The following DENND4C variants were observed in gnomAD, a reference collection of about 807,000 sequenced individuals.
The protein encoded by DENND4C is DENN domain containing 4C, also known as DENN domain-containing protein 4C.
In DENND4C, 108 loss-of-function variants were observed where a neutral mutation model predicts 203.0. The observed-to-expected ratio is 0.53, with a 90% CI of 0.46 to 0.62. DENND4C has a LOEUF of 0.62. Among genes scored for constraint, DENND4C ranks in the 20% least tolerant of loss-of-function variants. The pLI, the probability that DENND4C is intolerant of heterozygous loss-of-function variation, is 0.00. For missense variants in DENND4C, 2,481 were observed against 2,301.2 expected (o/e 1.08, Z -1.60); for synonymous variants, 871 against 792.4 (o/e 1.10, Z -1.67).
intron 12 of DENND4C, 88 bp downstream of exon 12, chr9:19,316,927 A>C: frequency 8.9e-7 from 1 of 1,128,094 alleles, no homozygotes; most frequent in Non-Finnish European, 1.2e-6. Flanking sequence ...TTATTGTATA[A>C]ATTATTACAA....
At position 19,315,549 on chromosome 9, in the gene DENND4C, G is replaced by A. The variant is rs191925632; in HGVS notation, c.1488-868G>A. On this transcript the variant is annotated intron_variant, in intron 10 of 32. Coordinates refer to ENST00000434457, the MANE Select transcript of DENND4C (RefSeq NM_001330640.2). ...TATATATGTATGTGTATATATATAC[G>A]TGTATATATGTATGTGTGTATATAT... Among the ~76,000 whole-genome samples the A allele has an allele frequency of 2.2e-3, 324 of 150,214 alleles. 4 individuals carry two copies. The highest frequency in any genetic ancestry group is 7.1e-3 in the African/African-American group (292 of 40,880).
At chr9:19,294,364 A>G (rs1836987766) in intron 5 of DENND4C, among the ~76,000 whole-genome samples, 1 of 152,182 alleles carries the variant, frequency 6.6e-6, no homozygotes, top group Non-Finnish European at 1.5e-5. Flanking sequence ...GTTTGAAGAC[A>G]GAGGAGTGTC....
chr9:19,268,036 A>G (rs541607798), intron 1 of DENND4C, among the ~76,000 whole-genome samples: 26 of 145,804 alleles, frequency 1.8e-4, no homozygotes, highest in Non-Finnish European at 3.3e-4. Context: ...GAAAGTGATT[A>G]TTTTCTGGTG....
chr9:19,331,950 A>G (rs200790448), intron 16 of DENND4C, 28 bp from the exon 17 acceptor site: 36 of 1,575,806 alleles, frequency 2.3e-5, no homozygotes, highest in Admixed American at 1.7e-4. Flanking sequence ...ATTTTAGTAA[A>G]TATCATAATA....
intron 2 of DENND4C, among the ~76,000 whole-genome samples, chr9:19,278,078 T>TC (rs1404249595): frequency 2.3e-4 from 33 of 143,188 alleles, no homozygotes; most frequent in African/African-American, 8.8e-4. Flanking sequence ...TTTTTTCTTT[T>TC]TTTTTTTTTT....
chr9:19,238,539 CT>C (rs1302908671), intron 1 of DENND4C, among the ~76,000 whole-genome samples: 1 of 1,324 alleles, frequency 7.6e-4, no homozygotes, highest in Non-Finnish European at 2.3e-3. Flanking sequence ...CCCCTCCCCC[CT>C]CTCCTCCCCT....
rs148327273 is a variant in DENND4C at position 19,293,280 on chromosome 9, G to C, written c.801+2404G>C. 2.7e-3 allele frequency among the ~76,000 whole-genome samples: 407 copies of C among 152,230 alleles called. 1 individual carries two copies. Among genetic ancestry groups the C allele is most frequent in the Middle Eastern group, 0.014 (4 of 294 alleles). On this transcript the variant is annotated intron_variant, in intron 5 of 32. Coordinates refer to ENST00000434457, the MANE Select transcript of DENND4C (RefSeq NM_001330640.2). ...GGGGATATCAACATGTAAGCATTGAGGTGTGTAAAATTTAGGTATTTGTCA... is the reference window on the plus strand; with the variant it reads ...GGGGATATCAACATGTAAGCATTGACGTGTGTAAAATTTAGGTATTTGTCA...
chr9:19,246,051 A>G (rs1290348647), intron 1 of DENND4C, among the ~76,000 whole-genome samples: 2 of 152,004 alleles, frequency 1.3e-5, no homozygotes, highest in African/African-American at 4.8e-5. Context: ...TTCACTGTCC[A>G]TCATTCTCCT....
chr9:19,261,978 T>A (rs1829467901), intron 1 of DENND4C, among the ~76,000 whole-genome samples: 1 of 152,040 alleles, frequency 6.6e-6, no homozygotes, highest in Non-Finnish European at 1.5e-5. Context: ...TTTTCATTTC[T>A]TTTTCAGATG....
At chr9:19,316,991 T>A in intron 12 of DENND4C, 152 bp downstream of exon 12, 2 of 701,776 alleles carry the variant, frequency 2.8e-6, no homozygotes, top group Non-Finnish European at 4.2e-6. Flanking sequence ...GCTTTATGAC[T>A]AGAATTTCTT....
chr9:19,322,516 C>G lies in DENND4C; in HGVS notation c.1808-1846C>G, dbSNP rs1041922800. On this transcript the variant is annotated intron_variant, in intron 12 of 32. Transcript: ENST00000434457. ...GTGGCTCAGGCCTGTAATCCCCGCA[C>G]TTTCGGAGGCCGAGGTGGGCGGATC... 6.6e-5 allele frequency among the ~76,000 whole-genome samples: 10 copies of G among 151,892 alleles called. 1 individual carries two copies. The highest frequency in any genetic ancestry group is 4.2e-4 in the South Asian group (2 of 4,808).
At chr9:19,361,820 T>C in intron 29 of DENND4C, 26 bp from the exon 30 acceptor site, 1 of 1,359,458 alleles carries the variant, frequency 7.4e-7, no homozygotes, top group Non-Finnish European at 1.1e-6. Flanking sequence ...CTCGGGATAC[T>C]AATACTTTCT....
rs1817733996 is a variant in DENND4C at position 19,325,940 on chromosome 9, T to C, written c.1955T>C (p.Leu652Ser). The C allele has an allele frequency of 6.2e-7, 1 of 1,604,820 alleles. No homozygotes were observed. Among genetic ancestry groups the C allele is most frequent in the African/African-American group, 1.3e-5 (1 of 74,240 alleles). Residue 652 changes from leucine (L) to serine (S), a missense_variant and splice_region_variant, in exon 14 of 33, where the codon TTG becomes TCG. Physicochemically the swap from Leu to Ser is moderately radical, Grantham distance 145. This residue lies in a region of DENND4C where 2,289 missense variants were observed against 2,113.3 expected (regional missense o/e 1.08). Transcript: ENST00000434457. ...AGAATCTGTTTTCTTTTTTTCTAGT[T>C]GTTTCCTGATAAAGGCACAGAGAAA... Reference protein sequence around the residue: ...LAFFDDCIEKLFPDKGTEKTD... With the variant: ...LAFFDDCIEKSFPDKGTEKTD...
intron 31 of DENND4C, 43 bp downstream of exon 31, chr9:19,370,030 C>T (rs770576596): frequency 6.9e-6 from 11 of 1,603,784 alleles, no homozygotes; most frequent in Non-Finnish European, 7.7e-6. Flanking sequence ...TCAGTCATTT[C>T]ATGTTTTTAA....
At chr9:19,342,611 A>G in intron 21 of DENND4C, 22 bp from the exon 22 acceptor site, 1 of 1,573,680 alleles carries the variant, frequency 6.4e-7, no homozygotes, top group African/African-American at 1.4e-5. Context: ...AGGAATGATA[A>G]CATCCAAATA....
chr9:19,344,745 C>T (rs781113264), intron 22 of DENND4C, among the ~76,000 whole-genome samples: 1 of 152,076 alleles, frequency 6.6e-6, no homozygotes, highest in Non-Finnish European at 1.5e-5. Context: ...TCAGGTGATC[C>T]GCCTGCCTCA....
intron 30 of DENND4C, among the ~76,000 whole-genome samples, chr9:19,368,514 C>T (rs1397388509): frequency 6.6e-6 from 1 of 152,102 alleles, no homozygotes; most frequent in African/African-American, 2.4e-5. Flanking sequence ...ATTATTCTCT[C>T]ATATGAAGTT....
chr9:19,331,198 G>C lies in DENND4C; in HGVS notation c.2254-780G>C, dbSNP rs537064627. 6.6e-5 allele frequency among the ~76,000 whole-genome samples: 10 copies of C among 150,676 alleles called. No individual in the cohort carries two copies. In the South Asian group the frequency reaches 8.4e-4, roughly 13 times the overall value. On this transcript the variant is annotated intron_variant, in intron 16 of 32. Coordinates refer to ENST00000434457, the MANE Select transcript of DENND4C (RefSeq NM_001330640.2). ...AGGAAAGTTTATGTTGACTGCAAAG[G>C]AATAGGTCCTTTTTTTTTTTTTTGA... is the stretch of plus-strand genomic sequence containing the variant.
At chr9:19,269,778 G>C (rs551828563) in intron 1 of DENND4C, among the ~76,000 whole-genome samples, 1 of 152,240 alleles carries the variant, frequency 6.6e-6, no homozygotes, top group African/African-American at 2.4e-5. Context: ...TTTGTTTGGT[G>C]AGGTCATGTT....
Sources: gnomAD v4.1 joint callset for allele counts (sites outside exome capture counted in the v4.1 genomes callset) on GRCh38, gnomAD v4.1.1 for gene constraint, gnomAD v4.1.1 regional missense constraint, MANE v1.5 for transcripts, NCBI Gene and HGNC (gene_info 2026-07-23, HGNC 2026-07-21) for gene names.